Variants in DDX51 observed in about 807,000 individuals in gnomAD.
DDX51 encodes the protein ATP-dependent RNA helicase DDX51.
DDX51 carries 67 observed loss-of-function variants against 74.6 expected under a neutral mutation model. That is an observed-to-expected ratio of 0.90 (90% confidence interval 0.74 to 1.10). The LOEUF (loss-of-function observed/expected upper bound fraction) is 1.10, where lower values mean the gene tolerates loss of function less well. Ranked by LOEUF, DDX51 falls within the 50% of genes least tolerant of loss-of-function variation. The probability of loss-of-function intolerance (pLI) is 0.00; values close to 1 mark genes in which losing one functional copy is unlikely to be tolerated. For synonymous variants in DDX51, 545 were observed against 402.9 expected (o/e 1.35, Z -4.22); for missense variants, 1,056 against 905.2 (o/e 1.17, Z -2.14).
Position 132,139,053 on chromosome 12 carries a change from C to G in DDX51, c.*219G>C, listed in dbSNP as rs1477061137. The G allele has an allele frequency of 1.6e-6, 1 of 624,230 alleles. No individual in the cohort carries two copies. Among genetic ancestry groups the G allele is most frequent in the African/African-American group, 1.8e-5 (1 of 54,572 alleles). 38.7% of individuals were successfully genotyped at this position (624,230 alleles called of 1,614,324 possible). On this transcript the variant is annotated 3_prime_UTR_variant, in exon 15 of 15. Coordinates refer to ENST00000397333, the MANE Select transcript of DDX51 (RefSeq NM_175066.4). ...TCATTGCCCGCAGCCATCCTGACCT[C>G]CACACTCTGAAAGTGACAAGCCCTG...
rs1005178112 is a variant in DDX51, at chr12:132,139,199, A to G, written c.*73T>C. Reference sequence around the variant, plus strand: ...ATTCCTTTCCTCACATACAGGATCCAGTGATCAGCACTGCTCTGGAAGGAG... The same window carrying G: ...ATTCCTTTCCTCACATACAGGATCCGGTGATCAGCACTGCTCTGGAAGGAG... On this transcript the variant is annotated 3_prime_UTR_variant, in exon 15 of 15. Transcript: ENST00000397333. 4.5e-6 allele frequency: 7 copies of G among 1,559,584 alleles called. No homozygotes were observed. In the Admixed American group the frequency reaches 9.1e-5, roughly 20 times the overall value.
intron 2 of DDX51, chr12:132,143,095 C>G: frequency 1.7e-6 from 1 of 592,966 alleles, no homozygotes; most frequent in South Asian, 1.9e-5. Flanking sequence ...CTCCCATCAA[C>G]CCACAGTGGC....
At chr12:132,142,519 A>T (rs1897506667) in intron 3 of DDX51, 97 bp from the exon 4 acceptor site, 1 of 1,523,194 alleles carries the variant, frequency 6.6e-7, no homozygotes, top group African/African-American at 1.4e-5. Flanking sequence ...GCTCTGCTGG[A>T]GGCCTGGGAA....
chr12:132,140,077 G>T (rs1185791097), intron 12 of DDX51, 21 bp downstream of exon 12: 1 of 1,609,868 alleles, frequency 6.2e-7, no homozygotes, highest in Non-Finnish European at 8.5e-7. Flanking sequence ...ACCCCCCAGT[G>T]GCCGCTGCGC....
rs759662661 is a variant in DDX51, at chr12:132,141,311, A to G, written c.1214T>C (p.Leu405Pro). The G allele has an allele frequency of 1.8e-5, 29 of 1,598,102 alleles. No individual in the cohort carries two copies. The South Asian group carries it at 2.1e-4, about 12-fold the overall frequency. Residue 405 changes from leucine (L) to proline (P), a missense_variant, in exon 8 of 15, where the codon CTC (leucine) becomes CCC (proline). By Grantham distance (98) the Leu-to-Pro change is moderately conservative. Transcript: ENST00000397333. The part of the protein sequence containing the change: ...SEDPADPCAL[L>P]QRRQAQAVTA... ...CACAGCCTGGGCCTGCCTTCGCTGG[A>G]GCAGGGCACAGGGGTCCGCGGGGTC... is the stretch of plus-strand genomic sequence containing the variant.
chr12:132,140,524 C>T lies in DDX51; in HGVS notation c.1572G>A (p.Val524=). The change falls in exon 11 of 15, where the codon GTG becomes GTA. Residue 524 remains valine (V), a synonymous_variant. Coordinates refer to ENST00000397333, the MANE Select transcript of DDX51 (RefSeq NM_175066.4). ...CCACGTCCACACCCCCAAAAGCTTG[C>T]ACCAGCAGGAAGAGCCTAGGCAGAG... ...RENSHRLFLL[V]QAFGGVDVAE... The T allele has an allele frequency of 6.2e-7, 1 of 1,613,052 alleles. No homozygotes were observed. The highest frequency in any genetic ancestry group is 1.1e-5 in the South Asian group (1 of 91,076).
chr12:132,139,232 G>A lies in DDX51; in HGVS notation c.*40C>T, dbSNP rs1252442894. ...GCACTGCTCTGGAAGGAGGGTCAGG[G>A]TGGTGAGCGTTCAGTCCCTCCGGCC... On this transcript the variant is annotated 3_prime_UTR_variant, in exon 15 of 15. Coordinates refer to ENST00000397333, the MANE Select transcript of DDX51 (RefSeq NM_175066.4). 1.9e-6 allele frequency: 3 copies of A among 1,601,446 alleles called. No homozygotes were observed.
chr12:132,139,565 G>A (rs192203020), intron 14 of DDX51, 70 bp downstream of exon 14: 8 of 1,611,114 alleles, frequency 5.0e-6, no homozygotes, highest in East Asian at 2.2e-5. Context: ...TTTTCTCCAC[G>A]TGTGGTGACG....
At position 132,139,376 on chromosome 12, in the gene DDX51, G is replaced by C. The variant is rs1897361180; in HGVS notation, c.1975-78C>G. 8 of 1,570,796 alleles carry C rather than the reference G, an allele frequency of 5.1e-6. No homozygotes were observed. The South Asian group carries it at 6.9e-5, about 13-fold the overall frequency. On this transcript the variant is annotated intron_variant, in intron 14 of 14. Transcript: ENST00000397333. ...TGTGGGGCCCCGGGCTCTGCCCCTG[G>C]AACCCTGAGGACAGGAAGCCCTGTG...
intron 14 of DDX51, 152 bp from the exon 15 acceptor site, chr12:132,139,450 C>G (rs532105404): frequency 6.6e-7 from 1 of 1,508,798 alleles, no homozygotes; most frequent in East Asian, 2.3e-5. Flanking sequence ...CCTGGTGCCA[C>G]GTGTTTCCAC....
At position 132,140,651 on chromosome 12, in the gene DDX51, A is replaced by G; in HGVS notation, c.1525T>C (p.Cys509Arg). 5 of 1,613,002 alleles carry G rather than the reference A, an allele frequency of 3.1e-6. No individual in the cohort carries two copies. Among genetic ancestry groups the G allele is most frequent in the Non-Finnish European group, 4.2e-6 (5 of 1,180,036 alleles). ...GAGTTCTCTCGGGAGTTAGTGAAGC[A>G]GAGAACCCTCGAGAAGCCCATCTCC... ...VLEMGFSRVL[C>R]FTNSRENSHR... The change falls in exon 10 of 15, where the codon TGC (cysteine) becomes CGC (arginine). Residue 509 changes from cysteine (C) to arginine (R), a missense_variant. Cys to Arg is a radical substitution (Grantham distance 180). Transcript: ENST00000397333.
At chr12:132,142,936 C>G (rs61942921) in intron 2 of DDX51, 58 bp from the exon 3 acceptor site, 1 of 1,604,880 alleles carries the variant, frequency 6.2e-7, no homozygotes, top group African/African-American at 1.3e-5. Context: ...CGCGCAGAAG[C>G]CCACGGTGGA....
rs552270104 is a variant in DDX51 at position 132,139,789 on chromosome 12, G to A, written c.1840-20C>T. On this transcript the variant is annotated intron_variant, in intron 13 of 14. Coordinates refer to ENST00000397333, the MANE Select transcript of DDX51 (RefSeq NM_175066.4). ...CCTCTCCTGGAGAGAAGCTCATGGT[G>A]GAAGGGGGTTCTTGGGCCAGCCCCT... The A allele has an allele frequency of 2.2e-5, 36 of 1,613,002 alleles. No individual in the cohort carries two copies. In the East Asian group the frequency reaches 6.0e-4, roughly 27 times the overall value.
chr12:132,141,597 C>G lies in DDX51; in HGVS notation c.1005G>C (p.Gly335=). 6.3e-7 allele frequency: 1 copy of G among 1,592,544 alleles called. No homozygotes were observed. Among genetic ancestry groups the G allele is most frequent in the South Asian group, 1.1e-5 (1 of 88,908 alleles). The change falls in exon 7 of 15, where the codon GGG becomes GGC. Residue 335 remains glycine, a synonymous_variant. Coordinates refer to ENST00000397333, the MANE Select transcript of DDX51 (RefSeq NM_175066.4). The part of the protein sequence containing the change: ...QESLVQKTAD[G]YRCLADIVVA... ...CCACGATGTCAGCCAAGCAGCGGTA[C>G]CCATCAGCTCTACAGACCAGAGAGC...
At position 132,140,879 on chromosome 12, in the gene DDX51, T is replaced by G. The variant is rs1330760627; in HGVS notation, c.1392A>C (p.Thr464=). The G allele has an allele frequency of 6.2e-7, 1 of 1,613,472 alleles. No individual in the cohort carries two copies. Among genetic ancestry groups the G allele is most frequent in the Non-Finnish European group, 8.5e-7 (1 of 1,180,002 alleles). Residue 464 remains threonine, a synonymous_variant, in exon 9 of 15, where the codon ACA becomes ACC. Transcript: ENST00000397333. ...TGLAHRGLED[T]DGDGDSGKYA... is the part of the protein sequence containing the mutation. ...ACTTCCCCGAATCCCCGTCCCCATC[T>G]GTATCTTCCAGGCCCCTGTGTGCTA...
chr12:132,139,576 A>G (rs764414990), intron 14 of DDX51, 59 bp downstream of exon 14: 2 of 1,612,480 alleles, frequency 1.2e-6, no homozygotes, highest in Non-Finnish European at 1.7e-6. Context: ...TGTGGTGACG[A>G]CGCCCTCTCT....
In DDX51 at chr12:132,143,655, C is replaced by T. The variant is rs1345414052; in HGVS notation, c.519+40G>A. 3.9e-6 allele frequency: 6 copies of T among 1,533,368 alleles called. No homozygotes were observed. In the East Asian group the frequency reaches 1.5e-4, roughly 38 times the overall value. The allele number at this position is 1,533,368 out of a possible 1,614,324, so 95.0% of individuals were successfully genotyped here. On this transcript the variant is annotated intron_variant, in intron 2 of 14. Transcript: ENST00000397333. ...CGCACTTAAGAATCCGCGCAGCCTA[C>T]CCTCTCACGCCGACCACCCTCCCGC...
Position 132,140,078 on chromosome 12 carries a change from G to A in DDX51, c.1775+20C>T. ...TCACAAAGCCCCAGACCCCCCAGTG[G>A]CCGCTGCGCCAGCGCTCACCGGTGC... On this transcript the variant is annotated intron_variant, in intron 12 of 14. Transcript: ENST00000397333. The A allele has an allele frequency of 6.2e-7, 1 of 1,610,008 alleles. No individual in the cohort carries two copies. Among genetic ancestry groups the A allele is most frequent in the South Asian group, 1.1e-5 (1 of 90,784 alleles).
intron 8 of DDX51, 31 bp downstream of exon 8, chr12:132,141,244 G>T (rs760735839): frequency 5.7e-6 from 9 of 1,569,578 alleles, no homozygotes; most frequent in Non-Finnish European, 7.7e-6. Flanking sequence ...CTGCTCAGGG[G>T]AGGCCAGCAC....
Sources: allele counts gnomAD v4.1 joint callset, GRCh38; gene constraint gnomAD v4.1.1; transcripts MANE v1.5; gene names NCBI Gene and HGNC (gene_info 2026-07-23, HGNC 2026-07-21).